The following PACRG variants were observed in gnomAD, a reference collection of about 807,000 sequenced individuals.
PACRG encodes the protein parkin coregulated.
In PACRG, 29 loss-of-function variants were observed where a neutral mutation model predicts 29.7. The observed-to-expected ratio is 0.98, with a 90% CI of 0.73 to 1.33. The LOEUF is 1.33. Among genes scored for constraint, PACRG ranks in the 40% most tolerant of loss-of-function variants. The probability of loss-of-function intolerance (pLI) is 0.00; values close to 1 mark genes in which losing one functional copy is unlikely to be tolerated. For missense variants in PACRG, 279 were observed against 316.2 expected, an observed-to-expected ratio of 0.88 and a Z score of 0.89; for synonymous variants, 116 against 118.7, an observed-to-expected ratio of 0.98 and a Z score of 0.15.
At chr6:163,144,151 C>T (rs568565013) in intron 4 of PACRG, among the ~76,000 whole-genome samples, 2 of 148,608 alleles carry the variant, frequency 1.3e-5, no homozygotes, top group Non-Finnish European at 3.0e-5. Flanking sequence ...ATAGCTTAAA[C>T]CTGGGAGGCA....
intron 2 of PACRG, among the ~76,000 whole-genome samples, chr6:162,918,005 C>T (rs941975947): frequency 6.6e-6 from 1 of 152,046 alleles, no homozygotes; most frequent in South Asian, 2.1e-4. Flanking sequence ...CTAAAATGAC[C>T]AACCTCTTCA....
At chr6:162,796,741 A>ATC (rs1207443285) in intron 1 of PACRG, among the ~76,000 whole-genome samples, 1 of 151,482 alleles carries the variant, frequency 6.6e-6, no homozygotes, top group Non-Finnish European at 1.5e-5. Flanking sequence ...TGTTTTTCTC[A>ATC]TCTCTCTCTC....
In PACRG at chr6:163,117,899, T is replaced by TA. The variant is rs1319115558; in HGVS notation, c.613+28492dup. 3.3e-4 allele frequency among the ~76,000 whole-genome samples: 51 copies of TA among 152,302 alleles called. 1 individual carries two copies. The highest frequency in any genetic ancestry group is 9.6e-4 in the African/African-American group (40 of 41,566). On this transcript the variant is annotated intron_variant, in intron 4 of 4. Coordinates refer to ENST00000366888, the MANE Select transcript of PACRG (RefSeq NM_001080379.2). ...GTGTTGATGTTCATGCTTGTTGTCT[T>TA]ACCTAATGTACAGGCAGAGAATTGA...
chr6:162,873,852 A>T (rs552295577), intron 2 of PACRG, among the ~76,000 whole-genome samples: 26 of 152,246 alleles, frequency 1.7e-4, no homozygotes, highest in Non-Finnish European at 2.6e-4. Context: ...TAGCCAGTAC[A>T]TTTTTGCCTA....
intron 1 of PACRG, among the ~76,000 whole-genome samples, chr6:162,757,018 C>T (rs1781980421): frequency 6.6e-6 from 1 of 151,790 alleles, no homozygotes; most frequent in Admixed American, 6.6e-5. Flanking sequence ...GTCTATTTTT[C>T]TATTTCTGCA....
intron 4 of PACRG, among the ~76,000 whole-genome samples, chr6:163,151,857 G>A (rs1318333978): frequency 6.6e-6 from 1 of 152,214 alleles, no homozygotes; most frequent in Non-Finnish European, 1.5e-5. Flanking sequence ...GAAATTTGCA[G>A]ATGTGTTACA....
rs536035385 is a variant in PACRG at position 163,070,318 on chromosome 6, T to C, written c.463+7997T>C. On this transcript the variant is annotated intron_variant, in intron 3 of 4. Transcript: ENST00000366888. Reference sequence around the variant, plus strand: ...ACTACACTTAAGTAGAAACACTAAATGATGAACCAATAAAAATAACTACAA... The same window carrying C: ...ACTACACTTAAGTAGAAACACTAAACGATGAACCAATAAAAATAACTACAA... 2.6e-5 allele frequency among the ~76,000 whole-genome samples: 4 copies of C among 152,104 alleles called. No individual in the cohort carries two copies. The South Asian group carries it at 8.3e-4, about 32-fold the overall frequency.
intron 2 of PACRG, among the ~76,000 whole-genome samples, chr6:162,945,888 T>C (rs1246671952): frequency 6.6e-6 from 1 of 152,084 alleles, no homozygotes; most frequent in Non-Finnish European, 1.5e-5. Flanking sequence ...ACATGGAAAT[T>C]AAACAACATG....
chr6:163,220,668 G>C (rs1222051230), intron 4 of PACRG, among the ~76,000 whole-genome samples: 1 of 152,142 alleles, frequency 6.6e-6, no homozygotes, highest in Non-Finnish European at 1.5e-5. Context: ...ATAAATATTT[G>C]CATATCTTTC....
intron 2 of PACRG, among the ~76,000 whole-genome samples, chr6:162,862,983 G>A (rs1333071692): frequency 1.3e-5 from 2 of 152,214 alleles, no homozygotes; most frequent in Non-Finnish European, 2.9e-5. Flanking sequence ...AGGAAATTCA[G>A]TGCCCATGTT....
intron 4 of PACRG, among the ~76,000 whole-genome samples, chr6:163,305,431 TC>T (rs1036074329): frequency 2.0e-5 from 3 of 152,210 alleles, no homozygotes; most frequent in Non-Finnish European, 4.4e-5. Flanking sequence ...ATACCAGGCG[TC>T]CGTCCACTAA....
At chr6:162,907,213 T>C (rs1210284089) in intron 2 of PACRG, among the ~76,000 whole-genome samples, 1 of 152,214 alleles carries the variant, frequency 6.6e-6, no homozygotes, top group Non-Finnish European at 1.5e-5. Flanking sequence ...TATGGAAATT[T>C]TGCCCTTTAA....
chr6:162,798,788 A>G (rs1317686502), intron 1 of PACRG, among the ~76,000 whole-genome samples: 4 of 152,154 alleles, frequency 2.6e-5, no homozygotes. Flanking sequence ...ACAGTAACAT[A>G]TTTCAAAGGA....
chr6:163,075,706 T>C (rs1812478100), intron 3 of PACRG, among the ~76,000 whole-genome samples: 1 of 152,214 alleles, frequency 6.6e-6, no homozygotes, highest in South Asian at 2.1e-4. Context: ...TTCATGTATT[T>C]AAAACAAACT....
At chr6:163,196,652 C>T (rs1157029963) in intron 4 of PACRG, among the ~76,000 whole-genome samples, 1 of 152,122 alleles carries the variant, frequency 6.6e-6, no homozygotes. Context: ...GAAAGAGTCA[C>T]TTATCATATT....
At chr6:162,800,261 T>C (rs1294107902) in intron 1 of PACRG, among the ~76,000 whole-genome samples, 1 of 152,224 alleles carries the variant, frequency 6.6e-6, no homozygotes, top group Non-Finnish European at 1.5e-5. Context: ...ATCATTTGAT[T>C]GTTGCATCTC....
intron 4 of PACRG, among the ~76,000 whole-genome samples, chr6:163,257,295 G>GGGGT (rs1562342627): frequency 4.0e-5 from 6 of 151,664 alleles, no homozygotes; most frequent in African/African-American, 1.5e-4. Context: ...GTTAAAGGGG[G>GGGGT]CATTCTGGGG....
intron 2 of PACRG, among the ~76,000 whole-genome samples, chr6:162,916,168 T>A (rs932429184): frequency 6.6e-6 from 1 of 152,224 alleles, no homozygotes; most frequent in Non-Finnish European, 1.5e-5. Flanking sequence ...CATAGAATTC[T>A]AAGTTGACAG....
intron 2 of PACRG, among the ~76,000 whole-genome samples, chr6:162,837,201 A>C (rs1789304163): frequency 6.6e-6 from 1 of 152,150 alleles, no homozygotes; most frequent in South Asian, 2.1e-4. Context: ...GGGAGATGAT[A>C]AAGAAGGAAA....
Sources: gnomAD v4.1 joint callset for allele counts (sites outside exome capture counted in the v4.1 genomes callset) on GRCh38, gnomAD v4.1.1 for gene constraint, MANE v1.5 for transcripts, NCBI Gene and HGNC (gene_info 2026-07-23, HGNC 2026-07-21) for gene names.